The following IQGAP2 variants were observed in gnomAD, a reference collection of about 807,000 sequenced individuals.
IQGAP2 encodes IQ motif containing GTPase activating protein 2.
A neutral mutation model predicts 201.3 loss-of-function variants in IQGAP2; 173 were observed. The ratio of observed to expected loss-of-function variants is 0.86; its 90% confidence interval spans 0.76 to 0.98. IQGAP2 has a LOEUF of 0.98. Among genes scored for constraint, IQGAP2 ranks in the 50% least tolerant of loss-of-function variants. The pLI is 0.00. For missense variants in IQGAP2, 1,687 were observed against 1,864.8 expected, an observed-to-expected ratio of 0.90 and a Z score of 1.76; for synonymous variants, 675 against 673.9, an observed-to-expected ratio of 1.00 and a Z score of -0.03.
chr5:76,499,554 T>C (rs1285322201), intron 2 of IQGAP2, among the ~76,000 whole-genome samples: 1 of 152,158 alleles, frequency 6.6e-6, no homozygotes, highest in Non-Finnish European at 1.5e-5. Flanking sequence ...TTTTAATACC[T>C]TAGCATGTTG....
chr5:76,555,835 T>C (rs549206933), intron 2 of IQGAP2, among the ~76,000 whole-genome samples: 2 of 152,252 alleles, frequency 1.3e-5, no homozygotes, highest in East Asian at 1.9e-4. Context: ...GGTTTATCCA[T>C]GGGAGGTTTT....
chr5:76,657,220 G>A (rs1742821784), intron 20 of IQGAP2, among the ~76,000 whole-genome samples: 1 of 152,208 alleles, frequency 6.6e-6, no homozygotes, highest in East Asian at 1.9e-4. Flanking sequence ...TAGTGGGTGG[G>A]AGAGGCAGCC....
chr5:76,535,000 G>T (rs1179722676), intron 2 of IQGAP2, among the ~76,000 whole-genome samples: 1 of 152,142 alleles, frequency 6.6e-6, no homozygotes, highest in East Asian at 1.9e-4. Context: ...TATGAAGTTG[G>T]AGCGTGGCAT....
intron 35 of IQGAP2, among the ~76,000 whole-genome samples, chr5:76,705,597 A>G (rs1747817796): frequency 6.6e-6 from 1 of 152,214 alleles, no homozygotes; most frequent in African/African-American, 2.4e-5. Context: ...GGAAAAGTGA[A>G]TCTCCTCTAC....
chr5:76,560,450 C>T (rs1243669407), intron 2 of IQGAP2, among the ~76,000 whole-genome samples: 1 of 152,180 alleles, frequency 6.6e-6, no homozygotes, highest in Non-Finnish European at 1.5e-5. Flanking sequence ...AGCCATAGCG[C>T]CCAGTGTAAC....
intron 30 of IQGAP2, among the ~76,000 whole-genome samples, chr5:76,688,768 TTAAAA>T (rs548957075): frequency 1.7e-3 from 252 of 152,230 alleles, no homozygotes; most frequent in Non-Finnish European, 2.9e-3. Flanking sequence ...TATATATATA[TTAAAA>T]TAAACATGTA....
At chr5:76,422,264 A>G (rs1301948947) in intron 1 of IQGAP2, among the ~76,000 whole-genome samples, 2 of 152,114 alleles carry the variant, frequency 1.3e-5, no homozygotes, top group Non-Finnish European at 2.9e-5. Context: ...GACGCTATGT[A>G]TTTCCTAAGG....
At chr5:76,509,558 ATTTT>A (rs1202925411) in intron 2 of IQGAP2, among the ~76,000 whole-genome samples, 2 of 150,806 alleles carry the variant, frequency 1.3e-5, no homozygotes, top group East Asian at 2.0e-4. Flanking sequence ...TGCCCGGCTA[ATTTT>A]TTTTTGTATT....
chr5:76,436,780 G>A (rs1298769750), intron 1 of IQGAP2, among the ~76,000 whole-genome samples: 9 of 150,784 alleles, frequency 6.0e-5, no homozygotes, highest in South Asian at 2.1e-4. Context: ...CACCTGCCTC[G>A]GCCTCCCAAA....
At chr5:76,580,870 TA>T (rs1230551755) in intron 5 of IQGAP2, among the ~76,000 whole-genome samples, 6 of 152,334 alleles carry the variant, frequency 3.9e-5, no homozygotes, top group Non-Finnish European at 8.8e-5. Flanking sequence ...GTCATGTGTT[TA>T]TATTAATTTT....
At chr5:76,618,763 T>C (rs1050033029) in intron 13 of IQGAP2, 23 of 876,032 alleles carry the variant, frequency 2.6e-5, no homozygotes, top group Non-Finnish European at 3.8e-5. Flanking sequence ...TTTAAAAAGT[T>C]ATTGTAGATT....
chr5:76,584,761 G>A (rs1170799578), intron 5 of IQGAP2, among the ~76,000 whole-genome samples: 2 of 152,152 alleles, frequency 1.3e-5, no homozygotes, highest in African/African-American at 2.4e-5. Flanking sequence ...CCTGACATGC[G>A]GATCTGCAGT....
intron 29 of IQGAP2, 53 bp from the exon 30 acceptor site, chr5:76,683,723 C>T (rs1745501722): frequency 2.0e-6 from 3 of 1,522,192 alleles, no homozygotes; most frequent in Non-Finnish European, 2.7e-6. Flanking sequence ...ATTGTTGGTG[C>T]CATCATCACA....
Position 76,627,407 on chromosome 5 carries a change from C to A in IQGAP2, c.1522-3C>A. 2 of 1,583,564 alleles carry A rather than the reference C, an allele frequency of 1.3e-6. No homozygotes were observed. Among genetic ancestry groups the A allele is most frequent in the Non-Finnish European group, 1.7e-6 (2 of 1,152,218 alleles). ...TCTTTTTATTCTGTGACATTGTCCC[C>A]AGGACTCTGAGAGTGTTTCCAAAGT... On this transcript the variant is annotated splice_polypyrimidine_tract_variant and splice_region_variant and intron_variant, in intron 13 of 35. Coordinates refer to ENST00000274364, the MANE Select transcript of IQGAP2 (RefSeq NM_006633.5).
At chr5:76,474,661 G>A (rs1755304986) in intron 2 of IQGAP2, among the ~76,000 whole-genome samples, 1 of 152,164 alleles carries the variant, frequency 6.6e-6, no homozygotes, top group South Asian at 2.1e-4. Context: ...AGGCAGCTAT[G>A]TCATCTGGGA....
In IQGAP2 at chr5:76,465,588, A is replaced by G. The variant is rs187559979; in HGVS notation, c.146+3919A>G. ...AGGTTAGAAAGGAAGACGTGAAACT[A>G]TTTCTAAGGGATGTTTTCTGGTTTA... On this transcript the variant is annotated intron_variant, in intron 2 of 35. Transcript: ENST00000274364. Among the ~76,000 whole-genome samples the G allele has an allele frequency of 5.4e-4, 82 of 152,308 alleles. 2 individuals carry two copies. In the South Asian group the frequency reaches 0.016, roughly 30 times the overall value.
At chr5:76,641,323 G>A (rs1350709143) in intron 17 of IQGAP2, among the ~76,000 whole-genome samples, 1 of 152,184 alleles carries the variant, frequency 6.6e-6, no homozygotes, top group Non-Finnish European at 1.5e-5. Flanking sequence ...GCATTTAGGA[G>A]CACCGCAGAT....
chr5:76,471,938 C>A (rs1561396981), intron 2 of IQGAP2, among the ~76,000 whole-genome samples: 1 of 152,192 alleles, frequency 6.6e-6, no homozygotes, highest in Non-Finnish European at 1.5e-5. Flanking sequence ...AAATAGTTTT[C>A]ATGTTTCCAC....
At chr5:76,564,454 G>A (rs554231775) in intron 3 of IQGAP2, among the ~76,000 whole-genome samples, 1 of 152,288 alleles carries the variant, frequency 6.6e-6, no homozygotes, top group Admixed American at 6.5e-5. Flanking sequence ...AATCAGGCTG[G>A]GAAGACGGGC....
Sources: allele counts gnomAD v4.1 joint callset (sites outside exome capture counted in the v4.1 genomes callset), GRCh38; gene constraint gnomAD v4.1.1; transcripts MANE v1.5; gene names NCBI Gene and HGNC (gene_info 2026-07-23, HGNC 2026-07-21).